Variants in EBLN1 observed in about 807,000 individuals in gnomAD.
The protein encoded by EBLN1 is endogenous Bornavirus-like nucleoprotein 1.
In EBLN1, 1 loss-of-function variant was observed where a neutral mutation model predicts 0.8. That is an observed-to-expected ratio of 1.32 (90% CI 0.47 to 6.26). The LOEUF is 6.26. EBLN1 is among the 30% of genes most tolerant of loss of function. The pLI, the probability that EBLN1 is intolerant of heterozygous loss-of-function variation, is 0.15. For missense variants in EBLN1, 396 were observed against 447.9 expected, an observed-to-expected ratio of 0.88 and a Z score of 1.05; for synonymous variants, 158 against 158.5, an observed-to-expected ratio of 1.00 and a Z score of 0.02.
At chr10:22,211,597 T>A (rs1834755598) in intron 2 of EBLN1, among the ~76,000 whole-genome samples, 1 of 152,134 alleles carries the variant, frequency 6.6e-6, no homozygotes, top group African/African-American at 2.4e-5. Context: ...GTTCAAGTGA[T>A]CCTCCTGCCC....
chr10:22,208,876 G>A lies in EBLN1; in HGVS notation c.*7C>T, dbSNP rs1834716780. ...TATGTATATATAAGGATTAGTTCAC[G>A]TATTTGTTATTCAAATCCCGAAATC... On this transcript the variant is annotated 3_prime_UTR_variant, in exon 3 of 3. Transcript: ENST00000422359. 5 of 1,516,116 alleles carry A rather than the reference G, an allele frequency of 3.3e-6. No homozygotes were observed. Among genetic ancestry groups the A allele is most frequent in the Middle Eastern group, 1.7e-4 (1 of 5,854 alleles). 93.9% of individuals were successfully genotyped at this position (1,516,116 alleles called of 1,614,324 possible).
intron 1 of EBLN1, among the ~76,000 whole-genome samples, chr10:22,217,514 C>T (rs72814811): frequency 0.034 from 5,230 of 152,268 alleles, 146 homozygotes; most frequent in African/African-American, 0.078. Flanking sequence ...TCCTGCACAC[C>T]ATACATTTCA....
chr10:22,210,167 C>T, intron 2 of EBLN1, 140 bp from the exon 3 acceptor site: 2 of 791,516 alleles, frequency 2.5e-6, no homozygotes, highest in Non-Finnish European at 3.4e-6. Context: ...TTCCAAATCT[C>T]CTTAATTACA....
intron 2 of EBLN1, among the ~76,000 whole-genome samples, chr10:22,212,443 T>G (rs748936627): frequency 4.6e-5 from 7 of 152,236 alleles, no homozygotes; most frequent in Non-Finnish European, 1.0e-4. Context: ...TCAATATTTT[T>G]TATTTGTTTT....
At chr10:22,211,236 G>T (rs941939183) in intron 2 of EBLN1, among the ~76,000 whole-genome samples, 2 of 152,088 alleles carry the variant, frequency 1.3e-5, no homozygotes, top group African/African-American at 4.8e-5. Flanking sequence ...GGTAAGTTGT[G>T]CATCTCAATA....
chr10:22,211,983 T>C (rs1834758769), intron 2 of EBLN1, among the ~76,000 whole-genome samples: 1 of 152,244 alleles, frequency 6.6e-6, no homozygotes, highest in Non-Finnish European at 1.5e-5. Context: ...CTAGCAGTTA[T>C]AATCACAATT....
chr10:22,217,741 AAAT>A (rs1834804063), intron 1 of EBLN1, among the ~76,000 whole-genome samples, 172 bp downstream of exon 1: 1 of 152,244 alleles, frequency 6.6e-6, no homozygotes, highest in Non-Finnish European at 1.5e-5. Context: ...GAAAAAGGTT[AAAT>A]ATTAAGTCTC....
chr10:22,209,172 G>A lies in EBLN1; in HGVS notation c.812C>T (p.Ala271Val), dbSNP rs1271228702. 6.5e-7 allele frequency: 1 copy of A among 1,535,930 alleles called. No individual in the cohort carries two copies. The highest frequency in any genetic ancestry group is 2.4e-5 in the East Asian group (1 of 40,930). ...AAAGAAATCTCCAAGTACCTTTTTA[G>A]CCAGTGGTTTCTTCTGCTCAAAAAC... ...IPVFEQKKPL[A>V]KKVLGDFFEF... Residue 271 changes from alanine (A) to valine (V), a missense_variant, in exon 3 of 3, where the codon GCT becomes GTT. Transcript: ENST00000422359.
chr10:22,214,302 C>CT (rs34128744), intron 1 of EBLN1, among the ~76,000 whole-genome samples: 11,035 of 138,986 alleles, frequency 0.079, 1,063 homozygotes, highest in African/African-American at 0.22. Flanking sequence ...GTTTTACTTT[C>CT]TTTTTTTTTT....
Position 22,208,968 on chromosome 10 carries a change from G to A in EBLN1, c.1016C>T (p.Ser339Phe), listed in dbSNP as rs1419257319. Residue 339 changes from serine (S) to phenylalanine (F), a missense_variant, in exon 3 of 3, where the codon TCT becomes TTT. By Grantham distance (155) the Ser-to-Phe change is radical. Transcript: ENST00000422359. ...TITFPVLQMA[S>F]AQKISRGSDM... Reference sequence around the variant, plus strand: ...ACTTCCTCTGGAGATTTTCTGAGCAGATGCCATTTGAAGTACAGGGAATGT... The same window carrying A: ...ACTTCCTCTGGAGATTTTCTGAGCAAATGCCATTTGAAGTACAGGGAATGT... 1.3e-6 allele frequency: 2 copies of A among 1,535,586 alleles called. No individual in the cohort carries two copies. Among genetic ancestry groups the A allele is most frequent in the Non-Finnish European group, 1.7e-6 (2 of 1,146,910 alleles).
chr10:22,208,988 G>T lies in EBLN1; in HGVS notation c.996C>A (p.Phe332Leu), dbSNP rs1834718511. 1 of 1,535,688 alleles carries T rather than the reference G, an allele frequency of 6.5e-7. No individual in the cohort carries two copies. Residue 332 changes from phenylalanine to leucine, a missense_variant, in exon 3 of 3, where the codon TTC (phenylalanine) becomes TTA (leucine). Physicochemically the swap from Phe to Leu is conservative, Grantham distance 22. Transcript: ENST00000422359. ...LDIIPGSTITFPVLQMASAQK... is the reference protein window; with the variant it reads ...LDIIPGSTITLPVLQMASAQK... ...GAGCAGATGCCATTTGAAGTACAGG[G>T]AATGTAATAGTTGATCCTGGTATAA...
intron 2 of EBLN1, among the ~76,000 whole-genome samples, chr10:22,210,295 T>C (rs1213789843): frequency 6.6e-6 from 1 of 152,172 alleles, no homozygotes; most frequent in Non-Finnish European, 1.5e-5. Flanking sequence ...CAACCACTCA[T>C]TTCGAGCACA....
Position 22,212,913 on chromosome 10 carries a change from G to C in EBLN1, c.-116C>G, listed in dbSNP as rs1588585502. ...CTCCAGGAGCTCAGAGGTGCAGTGA[G>C]CTATGATCATACCACTGCACTCCAG... On this transcript the variant is annotated 5_prime_UTR_variant, in exon 2 of 3. Transcript: ENST00000422359. 6.6e-6 allele frequency among the ~76,000 whole-genome samples: 1 copy of C among 150,852 alleles called. No individual in the cohort carries two copies. The highest frequency in any genetic ancestry group is 6.6e-5 in the Admixed American group (1 of 15,164).
chr10:22,214,844 T>C (rs1834779089), intron 1 of EBLN1, among the ~76,000 whole-genome samples: 1 of 152,136 alleles, frequency 6.6e-6, no homozygotes, highest in Admixed American at 6.5e-5. Context: ...ACATAAATGT[T>C]CATAGAAGCA....
At chr10:22,212,505 T>C (rs1007808208) in intron 2 of EBLN1, among the ~76,000 whole-genome samples, 12 of 152,204 alleles carry the variant, frequency 7.9e-5, no homozygotes, top group Non-Finnish European at 1.8e-4. Flanking sequence ...TATTAACTTA[T>C]GTTCAGGACT....
intron 1 of EBLN1, among the ~76,000 whole-genome samples, chr10:22,217,364 C>G (rs564112217): frequency 1.4e-4 from 21 of 152,278 alleles, no homozygotes; most frequent in African/African-American, 4.8e-4. Context: ...TTTCCCTGAT[C>G]AGTATGAGAA....
intron 1 of EBLN1, among the ~76,000 whole-genome samples, chr10:22,216,362 C>T (rs1834792288): frequency 6.6e-6 from 1 of 152,108 alleles, no homozygotes; most frequent in Admixed American, 6.5e-5. Context: ...ACTATATTTA[C>T]AGTAAACATT....
chr10:22,214,760 C>T (rs1196618455), intron 1 of EBLN1, among the ~76,000 whole-genome samples: 3 of 152,042 alleles, frequency 2.0e-5, no homozygotes, highest in Admixed American at 2.0e-4. Flanking sequence ...GTGGAGTTAC[C>T]GTAGGACCCA....
At position 22,209,958 on chromosome 10, in the gene EBLN1, T is replaced by C; in HGVS notation, c.26A>G (p.Gln9Arg). ...TGTACTGTCTTGTGGGCTGCTGGTC[T>C]GTGGGTTGTTTCTTGGGCGGGACAT... is the stretch of plus-strand genomic sequence containing the variant. MSRPRNNP[Q>R]TSSPQDSTKD... Residue 9 changes from glutamine (Q) to arginine (R), a missense_variant, in exon 3 of 3, where the codon CAG (glutamine) becomes CGG (arginine). Coordinates refer to ENST00000422359, the MANE Select transcript of EBLN1 (RefSeq NM_001394757.1). The C allele has an allele frequency of 2.1e-6, 3 of 1,424,056 alleles. No homozygotes were observed. Among genetic ancestry groups the C allele is most frequent in the Non-Finnish European group, 1.8e-6 (2 of 1,093,296 alleles). The allele number at this position is 1,424,056 out of a possible 1,614,324, so 88.2% of individuals were successfully genotyped here.
Sources: allele counts gnomAD v4.1 joint callset (sites outside exome capture counted in the v4.1 genomes callset), GRCh38; gene constraint gnomAD v4.1.1; transcripts MANE v1.5; gene names NCBI Gene and HGNC (gene_info 2026-07-23, HGNC 2026-07-21).